Variants in IRS1 observed in about 807,000 individuals in gnomAD.
IRS1 encodes insulin receptor substrate 1.
A neutral mutation model predicts 65.6 loss-of-function variants in IRS1; 34 were observed. The observed-to-expected ratio is 0.52, with a 90% CI of 0.39 to 0.69. The LOEUF (loss-of-function observed/expected upper bound fraction) is 0.69. IRS1 is among the 30% of genes least tolerant of loss of function. The pLI, the probability that IRS1 is intolerant of heterozygous loss-of-function variation, is 0.00. For missense variants in IRS1, 1,641 were observed against 1,720.2 expected, an observed-to-expected ratio of 0.95 and a Z score of 0.81; for synonymous variants, 699 against 683.5, an observed-to-expected ratio of 1.02 and a Z score of -0.35.
At position 226,798,878 on chromosome 2, in the gene IRS1, GC is replaced by G; in HGVS notation, c.-141del. 3.3e-6 allele frequency: 5 copies of G among 1,519,898 alleles called. No homozygotes were observed. Among genetic ancestry groups the G allele is most frequent in the Non-Finnish European group, 3.5e-6 (4 of 1,130,756 alleles). The allele number at this position is 1,519,898 out of a possible 1,614,324, so 94.2% of individuals were successfully genotyped here. Reference sequence around the variant, plus strand: ...AAACCCCGACTCTGAAATCCACGCCGCCCCCCGCGCCGGGGAGGGGCAGCTG... The same window carrying G: ...AAACCCCGACTCTGAAATCCACGCCGCCCCCGCGCCGGGGAGGGGCAGCTG... On this transcript the variant is annotated 5_prime_UTR_variant, in exon 1 of 2. Coordinates refer to ENST00000305123, the MANE Select transcript of IRS1 (RefSeq NM_005544.3). The surrounding 1 kb of genome is among the most constrained non-coding windows in gnomAD (Gnocchi z 9.4).
chr2:226,780,880 T>G (rs1005565318), intron 1 of IRS1, among the ~76,000 whole-genome samples: 1 of 152,236 alleles, frequency 6.6e-6, no homozygotes, highest in Admixed American at 6.5e-5. Flanking sequence ...TTTGAAACTT[T>G]TCTAAAGCCA....
Position 226,740,300 on chromosome 2 carries a change from G to T in IRS1, c.*22-4050C>A, listed in dbSNP as rs145823673. 4.6e-5 allele frequency among the ~76,000 whole-genome samples: 7 copies of T among 152,206 alleles called. No homozygotes were observed. In the East Asian group the frequency reaches 1.4e-3, roughly 29 times the overall value. The stretch of plus-strand genomic sequence containing the variant: ...TATGTCCTTCTGCGTGTATATTCTT[G>T]TAAGATAAAACCCACCTAATCCTGT... On this transcript the variant is annotated intron_variant, in intron 1 of 1. Transcript: ENST00000305123.
chr2:226,761,807 G>A (rs749283284), intron 1 of IRS1, among the ~76,000 whole-genome samples: 2 of 152,162 alleles, frequency 1.3e-5, no homozygotes, highest in African/African-American at 2.4e-5. Flanking sequence ...TTAAATGACT[G>A]TTCCATGAAT....
At chr2:226,740,170 C>T (rs932461219) in intron 1 of IRS1, among the ~76,000 whole-genome samples, 2 of 152,188 alleles carry the variant, frequency 1.3e-5, no homozygotes, top group Non-Finnish European at 2.9e-5. Context: ...CTGGTTACAT[C>T]ATTGGGGAAT....
At chr2:226,786,269 C>A (rs78034425) in intron 1 of IRS1, among the ~76,000 whole-genome samples, 1 of 151,722 alleles carries the variant, frequency 6.6e-6, no homozygotes, top group South Asian at 2.1e-4. Context: ...AGTAATGGGA[C>A]GGCTGGGTCA....
chr2:226,766,009 C>G (rs144209131), intron 1 of IRS1, among the ~76,000 whole-genome samples: 36 of 148,618 alleles, frequency 2.4e-4, no homozygotes, highest in Middle Eastern at 3.5e-3. Context: ...ACTTTTCCTT[C>G]ACGTTTCAAC....
rs138975702 is a variant in IRS1 at position 226,796,679 on chromosome 2, TTGC to T, written c.2057_2059del (p.Ser686del). 9,337 of 1,571,730 alleles carry T rather than the reference TTGC, an allele frequency of 5.9e-3. 56 individuals are homozygous for T. The highest frequency in any genetic ancestry group is 0.027 in the African/African-American group (1,974 of 73,692). ...ATAGCTGGTCCCGGAAGGGACGGCG[TTGC>T]TGCTGCTGCTGCTGCTGCTGGGGCC... On this transcript the variant is annotated inframe_deletion, in exon 1 of 2. Transcript: ENST00000305123.
intron 1 of IRS1, among the ~76,000 whole-genome samples, chr2:226,738,812 C>T (rs575346215): frequency 6.6e-6 from 1 of 152,198 alleles, no homozygotes; most frequent in Non-Finnish European, 1.5e-5. Context: ...GAAGGCCACA[C>T]TTTATTAAAG....
intron 1 of IRS1, among the ~76,000 whole-genome samples, chr2:226,765,481 C>A (rs988130886): frequency 6.6e-6 from 1 of 152,156 alleles, no homozygotes; most frequent in African/African-American, 2.4e-5. Context: ...TATCGGGGCC[C>A]TGTGGGGAAT....
intron 1 of IRS1, among the ~76,000 whole-genome samples, chr2:226,752,946 T>C (rs1938713513): frequency 1.3e-5 from 2 of 152,166 alleles, no homozygotes; most frequent in South Asian, 4.1e-4. Context: ...GTTGTGAGGA[T>C]TCAATGAGAT....
intron 1 of IRS1, among the ~76,000 whole-genome samples, chr2:226,746,786 T>C (rs905907645): frequency 8.3e-6 from 1 of 120,966 alleles, no homozygotes. Flanking sequence ...AGCAGCATTC[T>C]TTTTTTTTTT....
chr2:226,744,800 A>G (rs933971411), intron 1 of IRS1, among the ~76,000 whole-genome samples: 3 of 152,194 alleles, frequency 2.0e-5, no homozygotes, highest in Non-Finnish European at 4.4e-5. Context: ...CCCCTGATCT[A>G]AGGAACGTCT....
intron 1 of IRS1, among the ~76,000 whole-genome samples, chr2:226,783,621 T>C (rs1451077007): frequency 6.6e-6 from 1 of 152,252 alleles, no homozygotes; most frequent in Admixed American, 6.5e-5. Flanking sequence ...AAGGTAGAAG[T>C]GTTCACTATA....
Position 226,798,264 on chromosome 2 carries a change from C to G in IRS1, c.475G>C (p.Ala159Pro). 1 of 1,613,248 alleles carries G rather than the reference C, an allele frequency of 6.2e-7. No individual in the cohort carries two copies. The highest frequency in any genetic ancestry group is 8.5e-7 in the Non-Finnish European group (1 of 1,179,912). Residue 159 changes from alanine to proline, a missense_variant, in exon 1 of 2, where the codon GCA (alanine) becomes CCA (proline). Physicochemically the swap from Ala to Pro is conservative, Grantham distance 27 (BLOSUM62 -1). This residue lies in a region of IRS1 where 240 missense variants were observed against 229.6 expected (regional missense o/e 1.05). Transcript: ENST00000305123. This position sits in a 1 kb window ranked among gnomAD's most constrained non-coding sequence, Gnocchi z 9.4. ...LSYGDVPPGP[A>P]FKEVWQVILK... is the part of the protein sequence containing the mutation. ...ATCACTTGCCAGACCTCTTTGAATG[C>G]GGGTCCTGGGGGCACGTCACCGTAG...
chr2:226,799,539 C>A lies in IRS1; in HGVS notation c.-801G>T, dbSNP rs1315712127. Reference sequence around the variant, plus strand: ...ACAGACTCATCCCTGCCCCTCGCTCCAGGCGGCTGGGGAGGAGGGGAGGGG... The same window carrying A: ...ACAGACTCATCCCTGCCCCTCGCTCAAGGCGGCTGGGGAGGAGGGGAGGGG... On this transcript the variant is annotated 5_prime_UTR_variant, in exon 1 of 2. Coordinates refer to ENST00000305123, the MANE Select transcript of IRS1 (RefSeq NM_005544.3). This position sits in a 1 kb window ranked among gnomAD's most constrained non-coding sequence, Gnocchi z 6.1. 14 of 1,073,018 alleles carry A rather than the reference C, an allele frequency of 1.3e-5. No individual in the cohort carries two copies. The Admixed American group carries it at 7.3e-4, about 56-fold the overall frequency. 66.5% of individuals were successfully genotyped at this position (1,073,018 alleles called of 1,614,324 possible).
In IRS1 at chr2:226,795,889, C is replaced by G. The variant is rs1235205293; in HGVS notation, c.2850G>C (p.Arg950=). The G allele has an allele frequency of 6.2e-7, 1 of 1,613,734 alleles. No homozygotes were observed. Among genetic ancestry groups the G allele is most frequent in the East Asian group, 2.2e-5 (1 of 44,894 alleles). The change falls in exon 1 of 2, where the codon CGG becomes CGC. Residue 950 remains arginine, a synonymous_variant. Coordinates refer to ENST00000305123, the MANE Select transcript of IRS1 (RefSeq NM_005544.3). ...CAGTGCTCTCCTGCCAGGCTGCCCT[C>G]CGGCCCGGCCCCAGGTCCATCTTCA... The part of the protein sequence containing the change: ...EYMKMDLGPG[R]RAAWQESTGV...
intron 1 of IRS1, among the ~76,000 whole-genome samples, chr2:226,745,380 A>C (rs772741344): frequency 1.7e-4 from 26 of 152,242 alleles, no homozygotes; most frequent in Non-Finnish European, 2.9e-4. Context: ...ATTCAACCCC[A>C]AAAAAGGTTA....
chr2:226,758,894 C>A (rs1001870925), intron 1 of IRS1, among the ~76,000 whole-genome samples: 2 of 152,214 alleles, frequency 1.3e-5, no homozygotes, highest in Non-Finnish European at 2.9e-5. Context: ...CAGATAGATA[C>A]AGGTACTGTC....
chr2:226,777,236 T>C (rs1016695536), intron 1 of IRS1, among the ~76,000 whole-genome samples: 2 of 152,188 alleles, frequency 1.3e-5, no homozygotes, highest in African/African-American at 2.4e-5. Context: ...AGGCAGAAAC[T>C]AGGTATGGGG....
Sources: allele counts gnomAD v4.1 joint callset (sites outside exome capture counted in the v4.1 genomes callset), GRCh38; gene constraint gnomAD v4.1.1; regional missense constraint gnomAD v4.1.1; non-coding constraint Gnocchi (gnomAD v3.1); transcripts MANE v1.5; gene names NCBI Gene and HGNC (gene_info 2026-07-23, HGNC 2026-07-21).